The following ZNF410 variants were observed in gnomAD, a reference collection of about 807,000 sequenced individuals.
ZNF410 encodes the protein another partner for ARF 1.
In ZNF410, 18 loss-of-function variants were observed where a neutral mutation model predicts 54.8. The observed-to-expected ratio is 0.33, with a 90% CI of 0.23 to 0.49. ZNF410 has a LOEUF of 0.49. ZNF410 is among the 20% of genes least tolerant of loss of function. The probability of loss-of-function intolerance (pLI) is 0.99; values close to 1 mark genes in which losing one functional copy is unlikely to be tolerated. For synonymous variants in ZNF410, 191 were observed against 207.3 expected (o/e 0.92, Z 0.68); for missense variants, 405 against 569.6 (o/e 0.71, Z 2.94).
chr14:73,898,760 T>C (rs2055361576), intron 5 of ZNF410, among the ~76,000 whole-genome samples: 1 of 152,386 alleles, frequency 6.6e-6, no homozygotes, highest in South Asian at 2.1e-4. Context: ...TTAGCTATGA[T>C]GGTTTTAATG....
rs569590890 is a variant in ZNF410, at chr14:73,899,250, T to G, written c.580+988T>G. The stretch of plus-strand genomic sequence containing the variant: ...GTTCCCTATGAATATTTTGAAACAT[T>G]AAATCTTTTTTTTTTTTGGTCTTTT... On this transcript the variant is annotated intron_variant, in intron 5 of 11. Coordinates refer to ENST00000555044, the MANE Select transcript of ZNF410 (RefSeq NM_021188.3). 8.8e-5 allele frequency among the ~76,000 whole-genome samples: 13 copies of G among 147,380 alleles called. No individual in the cohort carries two copies. In the South Asian group the frequency reaches 2.7e-3, roughly 30 times the overall value.
chr14:73,931,046 AC>A (rs1437595814), intron 11 of ZNF410, among the ~76,000 whole-genome samples: 1 of 152,172 alleles, frequency 6.6e-6, no homozygotes, highest in Admixed American at 6.5e-5. Flanking sequence ...AGCCCAAGGA[AC>A]CCCTAGATCT....
At chr14:73,911,345 C>T (rs180710617) in intron 8 of ZNF410, among the ~76,000 whole-genome samples, 1 of 152,108 alleles carries the variant, frequency 6.6e-6, no homozygotes, top group Admixed American at 6.5e-5. Flanking sequence ...GAAGCCAGAA[C>T]ATGACAAGTG....
At chr14:73,888,631 T>A (rs1476622546) in intron 1 of ZNF410, among the ~76,000 whole-genome samples, 1 of 152,252 alleles carries the variant, frequency 6.6e-6, no homozygotes, top group Non-Finnish European at 1.5e-5. Context: ...GTGAACGATA[T>A]CTTAGTGAAA....
At chr14:73,905,889 A>G (rs1003224880) in intron 7 of ZNF410, among the ~76,000 whole-genome samples, 3 of 147,734 alleles carry the variant, frequency 2.0e-5, no homozygotes, top group Admixed American at 6.7e-5. Context: ...AATAAAAGGC[A>G]TATATATACA....
At chr14:73,909,616 G>GGT (rs56842982) in intron 8 of ZNF410, 186 bp downstream of exon 8, 1 of 461,762 alleles carries the variant, frequency 2.2e-6, no homozygotes. Flanking sequence ...TTGGGGGGGG[G>GGT]ACATCTAATT....
chr14:73,904,203 G>T (rs756216471), intron 6 of ZNF410, 93 bp downstream of exon 6: 56 of 1,390,186 alleles, frequency 4.0e-5, no homozygotes, highest in Non-Finnish European at 5.5e-5. Flanking sequence ...CAAATTACAG[G>T]AAAGTAGGGA....
chr14:73,922,248 C>T, intron 10 of ZNF410, 42 bp downstream of exon 10: 2 of 1,593,890 alleles, frequency 1.3e-6, no homozygotes, highest in Non-Finnish European at 8.6e-7. Context: ...AAATGGGCTG[C>T]AACTAGGGGC....
chr14:73,892,883 A>C (rs1292772343), intron 2 of ZNF410, among the ~76,000 whole-genome samples: 2 of 152,218 alleles, frequency 1.3e-5, no homozygotes, highest in Non-Finnish European at 2.9e-5. Flanking sequence ...GTTCAAGACC[A>C]TCCTGCCTAA....
At chr14:73,901,628 A>G (rs72627123) in intron 5 of ZNF410, among the ~76,000 whole-genome samples, 23,200 of 151,482 alleles carry the variant, frequency 0.15, 2,333 homozygotes, top group East Asian at 0.49. Flanking sequence ...GATTTGAATC[A>G]CTGTATTAGC....
Position 73,893,879 on chromosome 14 carries a change from T to C in ZNF410, c.116T>C (p.Leu39Ser). The C allele has an allele frequency of 6.2e-7, 1 of 1,614,132 alleles. No individual in the cohort carries two copies. Among genetic ancestry groups the C allele is most frequent in the Non-Finnish European group, 8.5e-7 (1 of 1,179,994 alleles). The stretch of plus-strand genomic sequence containing the variant: ...TCAGAAGCTAAAGATATTACTTGCT[T>C]GTCCCTCCTTCCCGTGACTGAAGCC... ...VESEAKDITC[L>S]SLLPVTEASE... The change falls in exon 3 of 12, where the codon TTG (leucine) becomes TCG (serine). Residue 39 changes from leucine (L) to serine (S), a missense_variant. This residue lies in a region of ZNF410 where 247 missense variants were observed against 342.8 expected (regional missense o/e 0.72). Transcript: ENST00000555044.
chr14:73,923,546 T>C, intron 11 of ZNF410, 24 bp downstream of exon 11: 1 of 1,601,676 alleles, frequency 6.2e-7, no homozygotes, highest in Non-Finnish European at 8.5e-7. Flanking sequence ...TTGCCCTTTG[T>C]TTCTGTGACA....
At chr14:73,904,180 C>A (rs1684304868) in intron 6 of ZNF410, 70 bp downstream of exon 6, 3 of 1,528,258 alleles carry the variant, frequency 2.0e-6, no homozygotes, top group Admixed American at 2.0e-5. Context: ...GAGGAACTTG[C>A]CCCTCAGGTT....
rs2055764528 is a variant in ZNF410, at chr14:73,922,094, T to C, written c.1158T>C (p.Leu386=). 1.2e-6 allele frequency: 2 copies of C among 1,614,020 alleles called. No individual in the cohort carries two copies. The highest frequency in any genetic ancestry group is 1.3e-5 in the African/African-American group (1 of 74,930). ...TAEPLMGSSL[L]EEASVPSKNL... is the part of the protein sequence containing the mutation. ...AGCCACTAATGGGCAGTAGTTTGCT[T>C]GAAGAGGCTTCAGTACCCAGTAAAA... Residue 386 remains leucine (L), a synonymous_variant, in exon 10 of 12, where the codon CTT becomes CTC. Transcript: ENST00000555044.
chr14:73,918,958 A>G (rs2055712946), intron 8 of ZNF410, among the ~76,000 whole-genome samples: 2 of 141,842 alleles, frequency 1.4e-5, no homozygotes, highest in African/African-American at 5.3e-5. Context: ...TCAGCCTCCC[A>G]AAGTGCCTGG....
At chr14:73,889,279 A>G (rs930151714) in intron 1 of ZNF410, among the ~76,000 whole-genome samples, 1 of 151,952 alleles carries the variant, frequency 6.6e-6, no homozygotes, top group East Asian at 1.9e-4. Flanking sequence ...GGCTAAAGCA[A>G]TCCTCCTACT....
chr14:73,928,227 G>A (rs1241220465), intron 11 of ZNF410, among the ~76,000 whole-genome samples: 1 of 152,152 alleles, frequency 6.6e-6, no homozygotes, highest in Non-Finnish European at 1.5e-5. Flanking sequence ...TGGGAGGGAT[G>A]AATAGACATC....
At chr14:73,890,260 C>T (rs1414227699) in intron 1 of ZNF410, among the ~76,000 whole-genome samples, 2 of 151,838 alleles carry the variant, frequency 1.3e-5, no homozygotes, top group African/African-American at 2.4e-5. Context: ...GCAGTCTCAG[C>T]TCACTGCAAC....
Position 73,931,548 on chromosome 14 carries a change from G to A in ZNF410, c.*7G>A, listed in dbSNP as rs537085455. The A allele has an allele frequency of 1.1e-4, 183 of 1,610,742 alleles. 6 individuals are homozygous for A. In the South Asian group the frequency reaches 1.9e-3, roughly 17 times the overall value. On this transcript the variant is annotated 3_prime_UTR_variant, in exon 12 of 12. Coordinates refer to ENST00000555044, the MANE Select transcript of ZNF410 (RefSeq NM_021188.3). The stretch of plus-strand genomic sequence containing the variant: ...AACTGAAAGACGGACATGAGCGTGG[G>A]TGCTGACTCCTGGAAGAGCAACTCT...
Sources: allele counts gnomAD v4.1 joint callset (sites outside exome capture counted in the v4.1 genomes callset), GRCh38; gene constraint gnomAD v4.1.1; regional missense constraint gnomAD v4.1.1; transcripts MANE v1.5; gene names NCBI Gene and HGNC (gene_info 2026-07-23, HGNC 2026-07-21).